FAM13C: variants seen among roughly 807,000 people sequenced by gnomAD.
FAM13C encodes protein FAM13C.
Under a neutral mutation model 73.2 loss-of-function variants are expected in FAM13C, and 37 were observed. The observed-to-expected ratio is 0.51, with a 90% CI of 0.39 to 0.67. FAM13C has a LOEUF of 0.67. Ranked by LOEUF, FAM13C falls within the 30% of genes least tolerant of loss-of-function variation. The pLI is 0.00. For synonymous variants in FAM13C, 246 were observed against 260.9 expected (o/e 0.94, Z 0.55); for missense variants, 589 against 715.6 (o/e 0.82, Z 2.02).
At chr10:59,287,531 A>G (rs1171484397) in intron 5 of FAM13C, among the ~76,000 whole-genome samples, 1 of 151,708 alleles carries the variant, frequency 6.6e-6, no homozygotes, top group African/African-American at 2.4e-5. Flanking sequence ...GTGCTCTTGT[A>G]TATTCTGCAA....
chr10:59,344,665 T>C (rs1211743327), intron 3 of FAM13C, among the ~76,000 whole-genome samples: 3 of 152,120 alleles, frequency 2.0e-5, no homozygotes, highest in Non-Finnish European at 4.4e-5. Flanking sequence ...TTAAGATAGA[T>C]ACAATTGCCA....
chr10:59,352,118 C>T (rs1855121525), intron 3 of FAM13C, 152 bp downstream of exon 3: 1 of 787,848 alleles, frequency 1.3e-6, no homozygotes, highest in Admixed American at 2.8e-5. Context: ...CCTGCAAGAG[C>T]TTCCACGTGT....
chr10:59,289,429 G>A (rs548294078), intron 5 of FAM13C, among the ~76,000 whole-genome samples: 1 of 152,296 alleles, frequency 6.6e-6, no homozygotes, highest in South Asian at 2.1e-4. Context: ...ACCCCAAGAA[G>A]GCTTCAGGAC....
chr10:59,322,357 T>C (rs1341428229), intron 4 of FAM13C, among the ~76,000 whole-genome samples: 3 of 152,224 alleles, frequency 2.0e-5, no homozygotes, highest in Non-Finnish European at 4.4e-5. Context: ...CTGCGATTGC[T>C]GACAGCGGTG....
At chr10:59,256,280 A>C (rs1467586630) in intron 10 of FAM13C, among the ~76,000 whole-genome samples, 1 of 152,230 alleles carries the variant, frequency 6.6e-6, no homozygotes, top group Non-Finnish European at 1.5e-5. Context: ...CTTACAATTC[A>C]TAGAAAGTAT....
intron 3 of FAM13C, among the ~76,000 whole-genome samples, chr10:59,341,594 C>T (rs571400565): frequency 4.6e-5 from 7 of 152,254 alleles, no homozygotes; most frequent in African/African-American, 1.4e-4. Flanking sequence ...GAGGCTGAGG[C>T]AGGAGAATCG....
At chr10:59,325,984 T>G (rs1851064448) in intron 3 of FAM13C, among the ~76,000 whole-genome samples, 1 of 152,150 alleles carries the variant, frequency 6.6e-6, no homozygotes, top group Non-Finnish European at 1.5e-5. Flanking sequence ...CTAAAAGGTT[T>G]AAATCAAAAA....
chr10:59,266,099 C>G (rs1396963296), intron 8 of FAM13C, among the ~76,000 whole-genome samples: 1 of 152,174 alleles, frequency 6.6e-6, no homozygotes, highest in African/African-American at 2.4e-5. Context: ...CTGGCTAGAA[C>G]TATTCTTTGC....
At chr10:59,269,006 G>A (rs564395818) in intron 7 of FAM13C, among the ~76,000 whole-genome samples, 284 of 152,258 alleles carry the variant, frequency 1.9e-3, no homozygotes, top group Non-Finnish European at 3.3e-3. Context: ...GTCCTCAGTA[G>A]GTTGCCCAAG....
intron 4 of FAM13C, among the ~76,000 whole-genome samples, chr10:59,308,082 G>A (rs970577879): frequency 4.6e-5 from 7 of 152,014 alleles, no homozygotes; most frequent in South Asian, 2.1e-4. Flanking sequence ...TTCTCTTGCC[G>A]CCTGTGTCCA....
Position 59,321,384 on chromosome 10 carries a change from T to C in FAM13C, c.443+2604A>G, listed in dbSNP as rs537771879. On this transcript the variant is annotated intron_variant, in intron 4 of 13. Transcript: ENST00000618804. ...AAACTGGAAAAGGTATGGAAATGGA[T>C]AGATTCTTCCCTAGAGCCTCTAGAA... is the stretch of plus-strand genomic sequence containing the variant. 3.4e-5 allele frequency among the ~76,000 whole-genome samples: 5 copies of C among 148,734 alleles called. No homozygotes were observed. In the South Asian group the frequency reaches 8.6e-4, roughly 26 times the overall value.
intron 5 of FAM13C, among the ~76,000 whole-genome samples, chr10:59,299,966 C>T (rs565313442): frequency 3.9e-5 from 6 of 152,218 alleles, no homozygotes; most frequent in African/African-American, 1.2e-4. Context: ...AAACTGGGAG[C>T]TCTAGGCTGG....
chr10:59,301,446 T>C (rs1207681397), intron 5 of FAM13C, among the ~76,000 whole-genome samples: 1 of 152,236 alleles, frequency 6.6e-6, no homozygotes, highest in Non-Finnish European at 1.5e-5. Flanking sequence ...AAACACAATG[T>C]AGTGAAGGAA....
At chr10:59,334,413 T>C (rs1466057082) in intron 3 of FAM13C, among the ~76,000 whole-genome samples, 1 of 152,156 alleles carries the variant, frequency 6.6e-6, no homozygotes, top group Non-Finnish European at 1.5e-5. Context: ...ACTGGGTATA[T>C]ACCCAAAGGA....
chr10:59,271,727 T>G lies in FAM13C; in HGVS notation c.593-1618A>C, dbSNP rs577806272. 6.6e-5 allele frequency among the ~76,000 whole-genome samples: 10 copies of G among 152,256 alleles called. No individual in the cohort carries two copies. In the East Asian group the frequency reaches 1.7e-3, roughly 26 times the overall value. ...ATCACCTTCAAAATACACCAGTAGGTGTATGGGTTCCTCATCAAATCCTTT... is the reference window on the plus strand; with the variant it reads ...ATCACCTTCAAAATACACCAGTAGGGGTATGGGTTCCTCATCAAATCCTTT... On this transcript the variant is annotated intron_variant, in intron 6 of 13. Coordinates refer to ENST00000618804, the MANE Select transcript of FAM13C (RefSeq NM_198215.4).
At chr10:59,333,787 C>A (rs1349327545) in intron 3 of FAM13C, among the ~76,000 whole-genome samples, 2 of 152,258 alleles carry the variant, frequency 1.3e-5, no homozygotes, top group Middle Eastern at 3.4e-3. Context: ...TCCAAATTTA[C>A]CATCACAAAT....
intron 5 of FAM13C, 79 bp downstream of exon 5, chr10:59,302,722 T>G (rs925004387): frequency 1.5e-6 from 2 of 1,321,418 alleles, no homozygotes; most frequent in Non-Finnish European, 2.2e-6. Context: ...GAGAATGAAT[T>G]CCTAGTACTG....
rs5785374 is a variant in FAM13C, at chr10:59,317,126, ATGTGTGTG to A, written c.443+6854_443+6861del. ...GTGTATGTGTATGTCACTATACATA[ATGTGTGTG>A]TGTGTGTGTGTGTGTGTGTGTAGTA... is the stretch of plus-strand genomic sequence containing the variant. On this transcript the variant is annotated intron_variant, in intron 4 of 13. Transcript: ENST00000618804. Among the ~76,000 whole-genome samples the A allele has an allele frequency of 1.3e-4, 19 of 149,302 alleles. No individual in the cohort carries two copies. In the East Asian group the frequency reaches 2.0e-3, roughly 16 times the overall value.
Position 59,355,910 on chromosome 10 carries a change from G to A in FAM13C, c.96C>T (p.Asp32=), listed in dbSNP as rs754916688. The A allele has an allele frequency of 1.2e-6, 2 of 1,614,016 alleles. No homozygotes were observed. Among genetic ancestry groups the A allele is most frequent in the Non-Finnish European group, 1.7e-6 (2 of 1,179,932 alleles). Residue 32 remains aspartate, a synonymous_variant, in exon 2 of 14, where the codon GAC becomes GAT. Transcript: ENST00000618804. ...ACCTGAGACTGGAGCAATCAGTCTG[G>A]TCTTCATGTAGAGAGACTGGATCTT... ...CDEDPVSLHE[D]QTDCSSLRDE... is the part of the protein sequence containing the mutation.
Sources: gnomAD v4.1 joint callset for allele counts (sites outside exome capture counted in the v4.1 genomes callset) on GRCh38, gnomAD v4.1.1 for gene constraint, MANE v1.5 for transcripts, NCBI Gene and HGNC (gene_info 2026-07-23, HGNC 2026-07-21) for gene names.